Variants in LIFR observed in about 807,000 individuals in gnomAD.
LIFR encodes leukemia inhibitory factor receptor.
A neutral mutation model predicts 122.2 loss-of-function variants in LIFR; 84 were observed. The ratio of observed to expected loss-of-function variants is 0.69; its 90% CI spans 0.58 to 0.82. The LOEUF (loss-of-function observed/expected upper bound fraction) is 0.82. Among genes scored for constraint, LIFR ranks in the 40% least tolerant of loss-of-function variants. LIFR has a pLI of 0.00. For missense variants in LIFR, 1,294 were observed against 1,311.6 expected (o/e 0.99, Z 0.21); for synonymous variants, 422 against 434.7 (o/e 0.97, Z 0.36).
At chr5:38,484,212 G>A (rs920602885) in intron 18 of LIFR, among the ~76,000 whole-genome samples, 1 of 152,208 alleles carries the variant, frequency 6.6e-6, no homozygotes, top group African/African-American at 2.4e-5. Context: ...TCTCCTCAGG[G>A]TACCTGGTTC....
At chr5:38,600,267 G>T (rs1331440581), upstream of LIFR, among the ~76,000 whole-genome samples, 1 of 152,168 alleles carries the variant, frequency 6.6e-6, no homozygotes, top group East Asian at 1.9e-4. Context: ...ATGAAACCAA[G>T]CTGTACCCCA....
At chr5:38,492,269 C>T (rs188383767) in intron 14 of LIFR, among the ~76,000 whole-genome samples, 3 of 152,310 alleles carry the variant, frequency 2.0e-5, no homozygotes, top group Non-Finnish European at 4.4e-5. Flanking sequence ...TGAGTTGGCA[C>T]AGAAAGTTCT....
At position 38,585,527 on chromosome 5, in the gene LIFR, T is replaced by C. The variant is rs185135140; in HGVS notation, c.-20+9734A>G. 1.4e-4 allele frequency among the ~76,000 whole-genome samples: 22 copies of C among 152,278 alleles called. No individual in the cohort carries two copies. The East Asian group carries it at 3.9e-3, about 27-fold the overall frequency. On this transcript the variant is annotated intron_variant, in intron 1 of 19. Transcript: ENST00000263409. ...TCAATGATCTCCATGTGCTTCCCAT[T>C]AGGGTTAGAAGAAGAAATGCTGTGG...
chr5:38,545,079 G>C (rs1213069243), intron 1 of LIFR, among the ~76,000 whole-genome samples: 1 of 152,152 alleles, frequency 6.6e-6, no homozygotes, highest in African/African-American at 2.4e-5. Flanking sequence ...AGGCCAGCCT[G>C]GCCAATATGG....
intron 1 of LIFR, among the ~76,000 whole-genome samples, chr5:38,584,398 A>T (rs1749681825): frequency 6.6e-6 from 1 of 152,164 alleles, no homozygotes; most frequent in Non-Finnish European, 1.5e-5. Flanking sequence ...CTGCACTCTC[A>T]TGTTCATTGT....
intron 13 of LIFR, among the ~76,000 whole-genome samples, chr5:38,495,455 T>C (rs756454391): frequency 1.6e-4 from 24 of 152,234 alleles, no homozygotes; most frequent in Admixed American, 3.3e-4. Flanking sequence ...GCAGCACTGC[T>C]GCCTGGGGTT....
intron 18 of LIFR, among the ~76,000 whole-genome samples, chr5:38,484,455 T>C (rs1744167943): frequency 6.6e-6 from 1 of 152,232 alleles, no homozygotes; most frequent in African/African-American, 2.4e-5. Context: ...AAGTGAGATC[T>C]TAATCATTAA....
intron 1 of LIFR, chr5:38,550,295 ACTG>A (rs1440025132): frequency 1.1e-6 from 1 of 884,592 alleles, no homozygotes; most frequent in Non-Finnish European, 1.4e-6. Context: ...ATAAAGCACA[ACTG>A]AAAAAAAAAC....
chr5:38,488,601 C>T (rs1391408535), intron 16 of LIFR, among the ~76,000 whole-genome samples: 1 of 152,206 alleles, frequency 6.6e-6, no homozygotes, highest in East Asian at 1.9e-4. Flanking sequence ...TTTAATACAT[C>T]CCCAATCAAG....
chr5:38,558,375 A>G (rs183374138), upstream of LIFR: 1 of 152,282 alleles, frequency 6.6e-6, no homozygotes, highest in Admixed American at 6.5e-5. Context: ...TTGCTATAAT[A>G]GAAAGATGGA....
chr5:38,598,086 G>A (rs889875364), upstream of LIFR, among the ~76,000 whole-genome samples: 7 of 151,882 alleles, frequency 4.6e-5, no homozygotes, highest in Admixed American at 2.6e-4. Flanking sequence ...TTCCCCAGCT[G>A]CATCCAGGAT....
At chr5:38,496,861 C>A (rs905834358) in intron 12 of LIFR, among the ~76,000 whole-genome samples, 1 of 152,006 alleles carries the variant, frequency 6.6e-6, no homozygotes, top group African/African-American at 2.4e-5. Context: ...CCTGTAATCC[C>A]AGCTACTTGG....
At chr5:38,509,106 TA>T (rs2112484049) in intron 7 of LIFR, among the ~76,000 whole-genome samples, 1 of 152,340 alleles carries the variant, frequency 6.6e-6, no homozygotes, top group South Asian at 2.1e-4. Context: ...TAGCTTGTTC[TA>T]TTACTATGAT....
At position 38,503,915 on chromosome 5, in the gene LIFR, T is replaced by C. The variant is rs576735936; in HGVS notation, c.1437+61A>G. ...AGCTTAAGCATATCAATTTGCTTAA[T>C]TCTTTTTGAGAACTATTTTATCCAA... On this transcript the variant is annotated intron_variant, in intron 10 of 19. Coordinates refer to ENST00000453190, the MANE Select transcript of LIFR (RefSeq NM_001127671.2). 214 of 1,238,606 alleles carry C rather than the reference T, an allele frequency of 1.7e-4. 4 individuals carry two copies. In the South Asian group the frequency reaches 2.6e-3, roughly 15 times the overall value. The allele number at this position is 1,238,606 out of a possible 1,614,324, so 76.7% of individuals were successfully genotyped here. A position where few individuals can be genotyped will look rare whatever the true frequency, so the allele number is the denominator to read the frequency against.
intron 5 of LIFR, 126 bp downstream of exon 5, chr5:38,523,293 C>A: frequency 1.4e-6 from 1 of 722,692 alleles, no homozygotes; most frequent in Non-Finnish European, 2.4e-6. Context: ...TTTTAATGAA[C>A]CCTGAAAGGT....
chr5:38,527,379 G>C lies in LIFR; in HGVS notation c.258-85C>G, dbSNP rs1265478089. 3.5e-6 allele frequency: 3 copies of C among 859,024 alleles called. No homozygotes were observed. The Admixed American group carries it at 6.2e-5, about 18-fold the overall frequency. The allele number at this position is 859,024 out of a possible 1,614,324, so 53.2% of individuals were successfully genotyped here. ...AATTTGGTTAACACAAAATACAATGGAAAATACTTTATGCCCTCTTTGTTG... is the reference window on the plus strand; with the variant it reads ...AATTTGGTTAACACAAAATACAATGCAAAATACTTTATGCCCTCTTTGTTG... On this transcript the variant is annotated intron_variant, in intron 3 of 19. Transcript: ENST00000453190.
intron 11 of LIFR, among the ~76,000 whole-genome samples, chr5:38,502,371 T>C (rs1216658967): frequency 6.6e-6 from 1 of 152,086 alleles, no homozygotes; most frequent in East Asian, 1.9e-4. Flanking sequence ...GATTCACTCC[T>C]GCCTCAGCCT....
At chr5:38,491,943 T>C (rs1034483544) in intron 14 of LIFR, among the ~76,000 whole-genome samples, 3 of 152,178 alleles carry the variant, frequency 2.0e-5, no homozygotes, top group African/African-American at 7.2e-5. Flanking sequence ...TAACAATATT[T>C]TATAGGGCTC....
chr5:38,570,581 A>G (rs1001658514), intron 1 of LIFR, among the ~76,000 whole-genome samples: 2 of 152,228 alleles, frequency 1.3e-5, no homozygotes, highest in African/African-American at 4.8e-5. Flanking sequence ...AGAAAAAAAA[A>G]GTACAAAGCA....
Sources: gnomAD v4.1 joint callset for allele counts (sites outside exome capture counted in the v4.1 genomes callset) on GRCh38, gnomAD v4.1.1 for gene constraint, MANE v1.5 for transcripts, NCBI Gene and HGNC (gene_info 2026-07-23, HGNC 2026-07-21) for gene names.